Variants in FOXJ3 observed in about 807,000 individuals in gnomAD.
FOXJ3 encodes forkhead box J3.
FOXJ3 carries 22 observed loss-of-function variants against 76.1 expected under a neutral mutation model. The observed-to-expected ratio is 0.29, with a 90% confidence interval of 0.21 to 0.41. The LOEUF is 0.41. Among genes scored for constraint, FOXJ3 ranks in the 10% least tolerant of loss-of-function variants. The pLI is 1.00. For synonymous variants in FOXJ3, 269 were observed against 261.2 expected (o/e 1.03, Z -0.29); for missense variants, 613 against 762.1 (o/e 0.80, Z 2.30).
intron 10 of FOXJ3, 25 bp downstream of exon 10, chr1:42,189,278 T>C (rs1346796310): frequency 2.1e-6 from 3 of 1,413,068 alleles, no homozygotes; most frequent in African/African-American, 2.8e-5. Context: ...TATTTGGTTA[T>C]ATGTCAAAAA....
At position 42,178,439 on chromosome 1, in the gene FOXJ3, G is replaced by C. The variant is rs1646254720; in HGVS notation, c.*1271C>G. 1 of 152,250 alleles carries C rather than the reference G, an allele frequency of 6.6e-6. No individual in the cohort carries two copies. The highest frequency in any genetic ancestry group is 1.5e-5 in the Non-Finnish European group (1 of 68,042). 9.4% of individuals were successfully genotyped at this position (152,250 alleles called of 1,614,324 possible). On this transcript the variant is annotated 3_prime_UTR_variant, in exon 13 of 13. Transcript: ENST00000361346. ...TCACATGGTAAAAGGAGTGATGATA[G>C]AGAATGACACAATGTCTCTCTGAGT...
At chr1:42,319,015 G>A (rs1655280153) in intron 1 of FOXJ3, among the ~76,000 whole-genome samples, 1 of 152,156 alleles carries the variant, frequency 6.6e-6, no homozygotes. Context: ...CAGATGGCTT[G>A]AGCCCAGGAA....
intron 5 of FOXJ3, among the ~76,000 whole-genome samples, chr1:42,215,855 T>A (rs562840643): frequency 7.5e-4 from 114 of 152,158 alleles, no homozygotes; most frequent in African/African-American, 2.6e-3. Context: ...TAATAAAAAA[T>A]ACTCTTCAAA....
chr1:42,272,912 A>G (rs1299513000), intron 3 of FOXJ3, among the ~76,000 whole-genome samples: 2 of 152,178 alleles, frequency 1.3e-5, no homozygotes, highest in Non-Finnish European at 2.9e-5. Context: ...AGTGCTTCCT[A>G]ACACTTGAAC....
chr1:42,190,583 A>C (rs1646521693), intron 9 of FOXJ3, among the ~76,000 whole-genome samples: 1 of 152,352 alleles, frequency 6.6e-6, no homozygotes, highest in East Asian at 1.9e-4. Context: ...TATATGATTT[A>C]AGTCACTTAG....
At position 42,193,153 on chromosome 1, in the gene FOXJ3, T is replaced by C. The variant is rs72674512; in HGVS notation, c.935-1434A>G. On this transcript the variant is annotated intron_variant, in intron 8 of 12. Transcript: ENST00000361346. ...ATAAAACTGATAAGTATAATATAGT[T>C]TTTTTTTTTGAAGCTGGGGAAGGAA... Among the ~76,000 whole-genome samples the C allele has an allele frequency of 6.8e-3, 1,024 of 150,798 alleles. 9 individuals carry two copies. The highest frequency in any genetic ancestry group is 0.02 in the Middle Eastern group (6 of 294).
At chr1:42,199,950 T>G (rs1250882246) in intron 6 of FOXJ3, among the ~76,000 whole-genome samples, 3 of 129,074 alleles carry the variant, frequency 2.3e-5, no homozygotes, top group Non-Finnish European at 3.1e-5. Context: ...CTATTTGCAG[T>G]GAGCCAAGAT....
chr1:42,319,975 T>TA (rs1479395320), intron 1 of FOXJ3, among the ~76,000 whole-genome samples: 1 of 152,070 alleles, frequency 6.6e-6, no homozygotes, highest in Non-Finnish European at 1.5e-5. Flanking sequence ...GTACAGCCAA[T>TA]AAAAAAGTTT....
At chr1:42,248,996 T>C (rs978139652) in intron 4 of FOXJ3, among the ~76,000 whole-genome samples, 12 of 152,020 alleles carry the variant, frequency 7.9e-5, no homozygotes, top group African/African-American at 1.9e-4. Context: ...AGTGAGAACA[T>C]GTGGTGTTTG....
At chr1:42,311,650 A>AAGT (rs142219815) in intron 1 of FOXJ3, among the ~76,000 whole-genome samples, 4,090 of 149,490 alleles carry the variant, frequency 0.027, 61 homozygotes, top group Middle Eastern at 0.093. Flanking sequence ...TTTAAAAAAA[A>AAGT]AGTAGTAGTA....
intron 5 of FOXJ3, among the ~76,000 whole-genome samples, chr1:42,221,712 C>G (rs1647189701): frequency 6.6e-6 from 1 of 151,504 alleles, no homozygotes; most frequent in African/African-American, 2.4e-5. Flanking sequence ...TGATCCACTG[C>G]TAAAAAACTA....
At chr1:42,307,320 T>C (rs36043301) in intron 2 of FOXJ3, among the ~76,000 whole-genome samples, 2 of 151,876 alleles carry the variant, frequency 1.3e-5, no homozygotes, top group African/African-American at 4.8e-5. Flanking sequence ...TCAGATACCA[T>C]CATCAATCAT....
At chr1:42,208,314 C>T (rs1646899250) in intron 5 of FOXJ3, among the ~76,000 whole-genome samples, 1 of 152,192 alleles carries the variant, frequency 6.6e-6, no homozygotes, top group Admixed American at 6.5e-5. Context: ...TCATATTCAA[C>T]AGTTCAGTAA....
intron 5 of FOXJ3, among the ~76,000 whole-genome samples, chr1:42,216,032 G>A (rs1647057416): frequency 6.6e-6 from 1 of 151,926 alleles, no homozygotes; most frequent in South Asian, 2.1e-4. Flanking sequence ...ATATATATGT[G>A]AAACAGAAAA....
intron 4 of FOXJ3, among the ~76,000 whole-genome samples, chr1:42,259,393 TATA>T (rs1339207840): frequency 6.6e-6 from 1 of 152,116 alleles, no homozygotes; most frequent in African/African-American, 2.4e-5. Flanking sequence ...AATTTCTAGG[TATA>T]ATGTTATTTT....
chr1:42,222,598 A>C (rs1347268844), intron 5 of FOXJ3, among the ~76,000 whole-genome samples: 1 of 152,188 alleles, frequency 6.6e-6, no homozygotes. Flanking sequence ...AATTTTTATA[A>C]TGCAAATTAA....
chr1:42,220,467 T>C (rs1647159400), intron 5 of FOXJ3, among the ~76,000 whole-genome samples: 1 of 151,966 alleles, frequency 6.6e-6, no homozygotes, highest in South Asian at 2.1e-4. Flanking sequence ...GCAAAAACCA[T>C]CCAAACCCTC....
At position 42,191,701 on chromosome 1, in the gene FOXJ3, G is replaced by T. The variant is rs1450113271; in HGVS notation, c.953C>A (p.Ser318Tyr). The change falls in exon 9 of 13, where the codon TCT becomes TAT. Residue 318 changes from serine (S) to tyrosine (Y), a missense_variant. Ser to Tyr is a moderately radical substitution (Grantham distance 144, BLOSUM62 -2). Transcript: ENST00000361346. The stretch of plus-strand genomic sequence containing the variant: ...AGTGTGGGACTGCTGGGAAGATTCA[G>T]AAGGGATGTTCATCAAACCTAAAAA... Reference protein sequence around the residue: ...LSQQGLMNIPSESSQQSHTSC... With the variant: ...LSQQGLMNIPYESSQQSHTSC... 1 of 1,611,622 alleles carries T rather than the reference G, an allele frequency of 6.2e-7. No individual in the cohort carries two copies. Among genetic ancestry groups the T allele is most frequent in the East Asian group, 2.2e-5 (1 of 44,812 alleles).
intron 1 of FOXJ3, among the ~76,000 whole-genome samples, chr1:42,317,113 G>C (rs969412771): frequency 2.6e-5 from 4 of 151,228 alleles, no homozygotes; most frequent in Non-Finnish European, 5.9e-5. Context: ...CCCTTTTTTT[G>C]CTTCTGAATT....
Sources: gnomAD v4.1 joint callset for allele counts (sites outside exome capture counted in the v4.1 genomes callset) on GRCh38, gnomAD v4.1.1 for gene constraint, MANE v1.5 for transcripts, NCBI Gene and HGNC (gene_info 2026-07-23, HGNC 2026-07-21) for gene names.